The following RASSF4 variants were observed in gnomAD, a reference collection of about 807,000 sequenced individuals.
The protein encoded by RASSF4 is Ras association domain family member 4, also known as ras association domain-containing protein 4.
In RASSF4, 38 loss-of-function variants were observed where a neutral mutation model predicts 41.1. The ratio of observed to expected loss-of-function variants is 0.92; its 90% CI spans 0.71 to 1.21. The LOEUF (loss-of-function observed/expected upper bound fraction) is 1.21. Among genes scored for constraint, RASSF4 ranks in the 50% most tolerant of loss-of-function variants. The probability of loss-of-function intolerance (pLI) is 0.00; values close to 1 mark genes in which losing one functional copy is unlikely to be tolerated. For missense variants in RASSF4, 414 were observed against 419.4 expected (o/e 0.99, Z 0.11); for synonymous variants, 179 against 163.4 (o/e 1.10, Z -0.73).
rs1170930433 is a variant in RASSF4, at chr10:44,993,801, C to A, written c.*472C>A. ...GCCTGCCAGCAGGTATGAGATCTAG[C>A]CTGCTTTCAGCCATCACCTTGCCAC... On this transcript the variant is annotated 3_prime_UTR_variant, in exon 11 of 11. Coordinates refer to ENST00000340258, the MANE Select transcript of RASSF4 (RefSeq NM_032023.4). 1.1e-4 allele frequency: 17 copies of A among 160,864 alleles called. No homozygotes were observed. Among genetic ancestry groups the A allele is most frequent in the African/African-American group, 3.1e-4 (13 of 42,006 alleles). 10.0% of individuals were successfully genotyped at this position (160,864 alleles called of 1,614,324 possible).
rs759798571 is a variant in RASSF4, at chr10:44,970,283, G to C, written c.62+19G>C. The C allele has an allele frequency of 1.2e-6, 2 of 1,609,908 alleles. No individual in the cohort carries two copies. The highest frequency in any genetic ancestry group is 1.1e-5 in the South Asian group (1 of 91,002). ...TTCAGAAGTAAGCCTTGGTGTGCAG[G>C]TTGGGCGGGGGAGTCTTCACATTTG... On this transcript the variant is annotated intron_variant, in intron 2 of 10. Coordinates refer to ENST00000340258, the MANE Select transcript of RASSF4 (RefSeq NM_032023.4).
chr10:44,965,508 A>C lies in RASSF4; in HGVS notation c.-38-4657A>C, dbSNP rs1840867493. Among the ~76,000 whole-genome samples the C allele has an allele frequency of 2.0e-5, 3 of 152,174 alleles. No homozygotes were observed. The South Asian group carries it at 6.2e-4, about 32-fold the overall frequency. ...AAGAAATATATGTTGGGGATAAAAT[A>C]TTTTCATCTCCTTCCCTTGCTTAGG... On this transcript the variant is annotated intron_variant, in intron 1 of 10. Coordinates refer to ENST00000340258, the MANE Select transcript of RASSF4 (RefSeq NM_032023.4).
rs144350616 is a variant in RASSF4 at position 44,985,689 on chromosome 10, C to T, written c.531+719C>T. ...GGCTCAGGAGGAGGGTCTCAGGGTC[C>T]GATCTGAAGGAGCAGGTGTCCCAGG... On this transcript the variant is annotated intron_variant, in intron 6 of 10. Transcript: ENST00000340258. Among the ~76,000 whole-genome samples, 23 of 152,214 alleles carry T rather than the reference C, an allele frequency of 1.5e-4. No homozygotes were observed. The East Asian group carries it at 2.5e-3, about 17-fold the overall frequency.
At chr10:44,975,015 A>AAG (rs1564456534) in intron 3 of RASSF4, among the ~76,000 whole-genome samples, 81 of 152,168 alleles carry the variant, frequency 5.3e-4, no homozygotes, top group African/African-American at 1.9e-3. Context: ...GTGTAAACCC[A>AAG]TGGCTCTGGA....
At chr10:44,983,890 A>G in intron 4 of RASSF4, 132 bp from the exon 5 acceptor site, 4 of 1,486,502 alleles carry the variant, frequency 2.7e-6, no homozygotes, top group Non-Finnish European at 3.6e-6. Flanking sequence ...TTGGTTTGAA[A>G]TCCAGGCCTC....
rs141344979 is a variant in RASSF4 at position 44,964,986 on chromosome 10, G to A, written c.-39+5120G>A. ...GAGCTCAGGAAAAACAGGTCTTCTT[G>A]CGGTGTTGGCTCTGAGAACCAGAGA... On this transcript the variant is annotated intron_variant, in intron 1 of 10. Coordinates refer to ENST00000340258, the MANE Select transcript of RASSF4 (RefSeq NM_032023.4). 3.7e-4 allele frequency among the ~76,000 whole-genome samples: 57 copies of A among 152,394 alleles called. 3 individuals are homozygous for A. In the East Asian group the frequency reaches 0.011, roughly 29 times the overall value.
At chr10:44,983,898 C>G in intron 4 of RASSF4, 124 bp from the exon 5 acceptor site, 1 of 1,511,220 alleles carries the variant, frequency 6.6e-7, no homozygotes, top group Non-Finnish European at 8.9e-7. Flanking sequence ...AAATCCAGGC[C>G]TCACCTCAGC....
In RASSF4 at chr10:44,985,741, C is replaced by G. The variant is rs185299866; in HGVS notation, c.531+771C>G. 2.9e-3 allele frequency among the ~76,000 whole-genome samples: 443 copies of G among 152,282 alleles called. 2 individuals are homozygous for G. The highest frequency in any genetic ancestry group is 4.8e-3 in the Non-Finnish European group (328 of 68,014). On this transcript the variant is annotated intron_variant, in intron 6 of 10. Coordinates refer to ENST00000340258, the MANE Select transcript of RASSF4 (RefSeq NM_032023.4). ...TAGGCTATCCAGGGGCCATTCAAGCCACACTTAGGGTGCCCTGGACTTTGG... is the reference window on the plus strand; with the variant it reads ...TAGGCTATCCAGGGGCCATTCAAGCGACACTTAGGGTGCCCTGGACTTTGG...
In RASSF4 at chr10:44,982,442, C is replaced by T. The variant is rs773755373; in HGVS notation, c.139-79C>T. ...GAGGGATGTGCAAGGCCTGAGTGTT[C>T]AGAGCATCCCATCCCTAGGGGGCAC... On this transcript the variant is annotated intron_variant, in intron 3 of 10. Transcript: ENST00000340258. The T allele has an allele frequency of 4.5e-6, 7 of 1,559,300 alleles. No individual in the cohort carries two copies. The African/African-American group carries it at 8.2e-5, about 18-fold the overall frequency.
At chr10:44,973,312 G>A (rs2132773319) in intron 3 of RASSF4, among the ~76,000 whole-genome samples, 1 of 152,350 alleles carries the variant, frequency 6.6e-6, no homozygotes, top group South Asian at 2.1e-4. Flanking sequence ...GAGAGTTGGG[G>A]TGAGTCCTCG....
chr10:44,977,225 T>G, intron 3 of RASSF4: 1 of 806,184 alleles, frequency 1.2e-6, no homozygotes, highest in Non-Finnish European at 1.9e-6. Flanking sequence ...AACAGGCTGT[T>G]ATCATATTCA....
At position 44,989,654 on chromosome 10, in the gene RASSF4, G is replaced by A. The variant is rs1304040399; in HGVS notation, c.634-16G>A. 2 of 1,613,886 alleles carry A rather than the reference G, an allele frequency of 1.2e-6. No individual in the cohort carries two copies. Among genetic ancestry groups the A allele is most frequent in the Non-Finnish European group, 8.5e-7 (1 of 1,179,744 alleles). On this transcript the variant is annotated splice_polypyrimidine_tract_variant and intron_variant, in intron 7 of 10. Transcript: ENST00000340258. The stretch of plus-strand genomic sequence containing the variant: ...TCCAAGCACCGTGATCTGACTTCCT[G>A]TGACTGCCTGTGCAGGTGGAAGATG...
chr10:44,964,312 G>T (rs1351394872), intron 1 of RASSF4, among the ~76,000 whole-genome samples: 1 of 152,252 alleles, frequency 6.6e-6, no homozygotes, highest in African/African-American at 2.4e-5. Context: ...ACTCTGGTTG[G>T]GGACAGAGTG....
Position 44,987,461 on chromosome 10 carries a change from T to C in RASSF4, c.532-1813T>C, listed in dbSNP as rs1361667930. 3.3e-5 allele frequency among the ~76,000 whole-genome samples: 5 copies of C among 152,166 alleles called. No homozygotes were observed. The South Asian group carries it at 8.3e-4, about 25-fold the overall frequency. On this transcript the variant is annotated intron_variant, in intron 6 of 10. Transcript: ENST00000340258. ...AATCCTGGCTTTCTGTATAACTCAG[T>C]CATTCTGCACCTCAACTAGAATCGA...
intron 3 of RASSF4, chr10:44,978,098 T>C: frequency 6.5e-7 from 1 of 1,550,184 alleles, no homozygotes; most frequent in Non-Finnish European, 8.7e-7. Context: ...CTGCCATGCG[T>C]CCCACCGCCC....
chr10:44,993,259 C>G lies in RASSF4; in HGVS notation c.906-10C>G. The G allele has an allele frequency of 6.2e-7, 1 of 1,609,820 alleles. No homozygotes were observed. ...CCTCAGTGAGTCCTCTTGGCGATGT[C>G]TCCCTCCAGGTTCCAAGCCCTGCGT... On this transcript the variant is annotated splice_polypyrimidine_tract_variant and intron_variant, in intron 10 of 10. Coordinates refer to ENST00000340258, the MANE Select transcript of RASSF4 (RefSeq NM_032023.4).
In RASSF4 at chr10:44,991,863, C is replaced by T. The variant is rs1442815354; in HGVS notation, c.808-42C>T. ...TGAGGAAAAGAAAACATACTTTTGG[C>T]TTCGAATTTAAAGCACATTAAAATG... On this transcript the variant is annotated intron_variant, in intron 9 of 10. Transcript: ENST00000340258. 3.7e-6 allele frequency: 5 copies of T among 1,365,512 alleles called. No homozygotes were observed. The East Asian group carries it at 9.2e-5, about 25-fold the overall frequency. The allele number at this position is 1,365,512 out of a possible 1,614,324, so 84.6% of individuals were successfully genotyped here. A position where few individuals can be genotyped will look rare whatever the true frequency, so the allele number is the denominator to read the frequency against.
intron 6 of RASSF4, among the ~76,000 whole-genome samples, chr10:44,986,257 C>A (rs914805248): frequency 5.3e-5 from 8 of 152,198 alleles, no homozygotes; most frequent in African/African-American, 1.9e-4. Context: ...GGTACATTCG[C>A]TTCTCCTCGA....
At chr10:44,975,419 C>T (rs1314927646) in intron 3 of RASSF4, among the ~76,000 whole-genome samples, 1 of 149,890 alleles carries the variant, frequency 6.7e-6, no homozygotes, top group African/African-American at 2.5e-5. Flanking sequence ...CCTTCTTCGC[C>T]TCCCATCCCC....
Sources: gnomAD v4.1 joint callset for allele counts (sites outside exome capture counted in the v4.1 genomes callset) on GRCh38, gnomAD v4.1.1 for gene constraint, MANE v1.5 for transcripts, NCBI Gene and HGNC (gene_info 2026-07-23, HGNC 2026-07-21) for gene names.